SASS6: variants seen among roughly 807,000 people sequenced by gnomAD.
SASS6 encodes the protein spindle assembly abnormal protein 6 homolog.
Under a neutral mutation model 94.9 loss-of-function variants are expected in SASS6, and 59 were observed. The observed-to-expected ratio is 0.62, with a 90% CI of 0.50 to 0.77. The LOEUF is 0.77. Ranked by LOEUF, SASS6 falls within the 30% of genes least tolerant of loss-of-function variation. SASS6 has a pLI of 0.00. For missense variants in SASS6, 698 were observed against 734.1 expected (o/e 0.95, Z 0.57); for synonymous variants, 264 against 270.0 (o/e 0.98, Z 0.22).
chr1:100,123,126 T>C (rs1654328351), intron 3 of SASS6, 84 bp downstream of exon 3: 1 of 623,116 alleles, frequency 1.6e-6, no homozygotes, highest in South Asian at 1.8e-5. Context: ...AATATGTAGG[T>C]ATGTGTTTGA....
intron 14 of SASS6, among the ~76,000 whole-genome samples, chr1:100,090,175 G>A (rs1651576855): frequency 6.6e-6 from 1 of 151,742 alleles, no homozygotes; most frequent in South Asian, 2.1e-4. Context: ...AGAAAAGGGA[G>A]GCAAGAAACA....
chr1:100,088,225 A>G lies in SASS6; in HGVS notation c.1686T>C (p.Asn562=). The G allele has an allele frequency of 6.4e-7, 1 of 1,574,474 alleles. No homozygotes were observed. The highest frequency in any genetic ancestry group is 1.1e-5 in the South Asian group (1 of 90,236). Residue 562 remains asparagine (N), a synonymous_variant, in exon 15 of 17, where the codon AAT becomes AAC. Coordinates refer to ENST00000287482, the MANE Select transcript of SASS6 (RefSeq NM_194292.3). The part of the protein sequence containing the change: ...HPGSGTKVQF[N]LQFTKPNASL... ...ATGCATTTGGTTTTGTAAACTGCAA[A>G]TTAAACTGAACCTGTGAGAAGGAAA...
In SASS6 at chr1:100,105,764, T is replaced by TA; in HGVS notation, c.1545+2dup. The TA allele has an allele frequency of 6.2e-7, 1 of 1,610,166 alleles. No homozygotes were observed. Among genetic ancestry groups the TA allele is most frequent in the Non-Finnish European group, 8.5e-7 (1 of 1,178,694 alleles). On this transcript the variant is annotated splice_region_variant and intron_variant, in intron 13 of 16. Coordinates refer to ENST00000287482, the MANE Select transcript of SASS6 (RefSeq NM_194292.3). ...ATCACTCACATCTTGTTTTAAATCT[T>TA]ACCACATTCAGGTTAGGAGAAATTC...
intron 13 of SASS6, among the ~76,000 whole-genome samples, chr1:100,103,762 A>G (rs1031895656): frequency 1.3e-5 from 2 of 152,138 alleles, no homozygotes; most frequent in African/African-American, 4.8e-5. Context: ...CTCCAATTTA[A>G]CAGCAATCTT....
intron 8 of SASS6, among the ~76,000 whole-genome samples, chr1:100,108,550 A>C (rs1198366645): frequency 6.6e-6 from 1 of 152,052 alleles, no homozygotes; most frequent in Non-Finnish European, 1.5e-5. Context: ...AAAATCTACA[A>C]TAGATCTCTT....
chr1:100,097,859 A>T (rs967041695), intron 14 of SASS6, among the ~76,000 whole-genome samples: 1 of 152,160 alleles, frequency 6.6e-6, no homozygotes, highest in Non-Finnish European at 1.5e-5. Context: ...ACACAAAAAA[A>T]CTACATGTTG....
Position 100,122,425 on chromosome 1 carries a change from T to G in SASS6, c.266A>C (p.Asp89Ala), listed in dbSNP as rs1654260113. ...TTCTTGAGTACATTGCTGAAGGAGA[T>G]CTATAAATTTTTGTGGGAAAGCTAA... The part of the protein sequence containing the change: ...DFLAFPQKFI[D>A]LLQQCTQEHA... The change falls in exon 4 of 17, where the codon GAT (aspartate) becomes GCT (alanine). Residue 89 changes from aspartate (D) to alanine (A), a missense_variant. By Grantham distance (126) the Asp-to-Ala change is moderately radical (BLOSUM62 -2). Transcript: ENST00000287482. The G allele has an allele frequency of 1.9e-6, 3 of 1,587,110 alleles. No individual in the cohort carries two copies. Among genetic ancestry groups the G allele is most frequent in the African/African-American group, 1.3e-5 (1 of 74,224 alleles).
At chr1:100,121,687 CA>C in intron 4 of SASS6, 138 bp from the exon 5 acceptor site, 7 of 541,486 alleles carry the variant, frequency 1.3e-5, no homozygotes, top group East Asian at 3.4e-5. Context: ...ATAAATTGGG[CA>C]AAAAAAAGAA....
chr1:100,085,842 T>G (rs1175137837), intron 15 of SASS6, among the ~76,000 whole-genome samples: 1 of 152,144 alleles, frequency 6.6e-6, no homozygotes, highest in Non-Finnish European at 1.5e-5. Context: ...TATAATAAAA[T>G]TTTAAGAGCT....
At chr1:100,117,229 T>C (rs1263320708) in intron 7 of SASS6, among the ~76,000 whole-genome samples, 1 of 151,010 alleles carries the variant, frequency 6.6e-6, no homozygotes, top group Non-Finnish European at 1.5e-5. Flanking sequence ...GAGGCAAAGG[T>C]TGCAATGAGC....
At chr1:100,098,291 C>A (rs1001228843) in intron 14 of SASS6, among the ~76,000 whole-genome samples, 3 of 151,744 alleles carry the variant, frequency 2.0e-5, no homozygotes, top group Non-Finnish European at 4.4e-5. Flanking sequence ...AAGAGCCAGG[C>A]ACAATGGTGC....
intron 1 of SASS6, among the ~76,000 whole-genome samples, chr1:100,128,707 GTTAT>G (rs1236399182): frequency 1.3e-5 from 2 of 152,110 alleles, no homozygotes; most frequent in Non-Finnish European, 2.9e-5. Context: ...TCAATAAAAT[GTTAT>G]TTCTCATCTC....
chr1:100,110,480 G>C lies in SASS6; in HGVS notation c.673C>G (p.Gln225Glu). The C allele has an allele frequency of 6.4e-7, 1 of 1,573,224 alleles. No homozygotes were observed. Among genetic ancestry groups the C allele is most frequent in the Non-Finnish European group, 8.6e-7 (1 of 1,157,244 alleles). The change falls in exon 8 of 17, where the codon CAG becomes GAG. Residue 225 changes from glutamine (Q) to glutamate (E), a missense_variant. Gln to Glu is a conservative substitution (Grantham distance 29, BLOSUM62 2). Coordinates refer to ENST00000287482, the MANE Select transcript of SASS6 (RefSeq NM_194292.3). ...TCATGCTGCTGTTGATATTGAACCT[G>C]TGCCTATGATACAATAAAAATACAG... ...TNEKEKALQA[Q>E]VQYQQQHEQQ...
rs894132336 is a variant in SASS6, at chr1:100,105,028, G to A, written c.1545+739C>T. Reference sequence around the variant, plus strand: ...CCAGTTTCTTGTAGAATCTAAAGGTGACAAGCCTGCTAATAGGACTTTTTT... The same window carrying A: ...CCAGTTTCTTGTAGAATCTAAAGGTAACAAGCCTGCTAATAGGACTTTTTT... On this transcript the variant is annotated intron_variant, in intron 13 of 16. Transcript: ENST00000287482. 2.0e-5 allele frequency among the ~76,000 whole-genome samples: 3 copies of A among 152,240 alleles called. No homozygotes were observed. The East Asian group carries it at 5.8e-4, about 30-fold the overall frequency.
At chr1:100,090,220 CTTA>C (rs1194437845) in intron 14 of SASS6, among the ~76,000 whole-genome samples, 1 of 152,044 alleles carries the variant, frequency 6.6e-6, no homozygotes, top group Non-Finnish European at 1.5e-5. Flanking sequence ...TATGGTAAAA[CTTA>C]TTATATGCAT....
rs894383778 is a variant in SASS6, at chr1:100,110,557, CA to C, written c.670-75del. The C allele has an allele frequency of 3.4e-4, 253 of 739,098 alleles. 1 individual carries two copies. Among genetic ancestry groups the C allele is most frequent in the South Asian group, 6.0e-4 (15 of 25,116 alleles). 45.8% of individuals were successfully genotyped at this position (739,098 alleles called of 1,614,324 possible). A position where few individuals can be genotyped will look rare whatever the true frequency, so the allele number is the denominator to read the frequency against. ...AAATACAAATACAGAAAGATTTGAA[CA>C]AAAAAAAATTGTAATTTCTTATTTT... On this transcript the variant is annotated intron_variant, in intron 7 of 16. Coordinates refer to ENST00000287482, the MANE Select transcript of SASS6 (RefSeq NM_194292.3).
chr1:100,088,047 G>C, intron 15 of SASS6, 92 bp downstream of exon 15: 1 of 615,186 alleles, frequency 1.6e-6, no homozygotes, highest in Admixed American at 2.3e-5. Context: ...CAGGTAAACA[G>C]GTGGGCATCA....
intron 14 of SASS6, chr1:100,099,161 T>G (rs950841928): frequency 6.6e-6 from 1 of 152,342 alleles, no homozygotes; most frequent in Non-Finnish European, 1.5e-5. Flanking sequence ...ACACAAAATC[T>G]GTCTCTGAAT....
intron 6 of SASS6, among the ~76,000 whole-genome samples, chr1:100,119,527 A>G (rs1281180623): frequency 1.3e-5 from 2 of 152,216 alleles, no homozygotes; most frequent in Admixed American, 1.3e-4. Flanking sequence ...GGCCATGCAG[A>G]TTATCAGATA....
Sources: allele counts gnomAD v4.1 joint callset (sites outside exome capture counted in the v4.1 genomes callset), GRCh38; gene constraint gnomAD v4.1.1; transcripts MANE v1.5; gene names NCBI Gene and HGNC (gene_info 2026-07-23, HGNC 2026-07-21).